Variants in DGKI observed in about 807,000 individuals in gnomAD.
DGKI encodes the protein diacylglycerol kinase iota.
A neutral mutation model predicts 147.5 loss-of-function variants in DGKI; 55 were observed. The ratio of observed to expected loss-of-function variants is 0.37; its 90% confidence interval spans 0.30 to 0.47. The LOEUF (loss-of-function observed/expected upper bound fraction) is 0.47, where lower values mean the gene tolerates loss of function less well. Ranked by LOEUF, DGKI falls within the 20% of genes least tolerant of loss-of-function variation. DGKI has a pLI of 1.00. For missense variants in DGKI, 1,007 were observed against 1,323.8 expected (o/e 0.76, Z 3.71); for synonymous variants, 469 against 477.1 (o/e 0.98, Z 0.22).
chr7:137,431,725 T>C (rs1813078006), intron 28 of DGKI, among the ~76,000 whole-genome samples: 1 of 152,190 alleles, frequency 6.6e-6, no homozygotes, highest in African/African-American at 2.4e-5. Flanking sequence ...CTCAGAAGCC[T>C]GTAAATGTCC....
At chr7:137,654,318 C>A (rs1050158418) in intron 5 of DGKI, among the ~76,000 whole-genome samples, 2 of 152,186 alleles carry the variant, frequency 1.3e-5, no homozygotes, top group African/African-American at 4.8e-5. Context: ...TAGGAATAAC[C>A]AGTTACTGTG....
chr7:137,411,394 A>G (rs1348874219), intron 29 of DGKI, among the ~76,000 whole-genome samples: 8 of 152,250 alleles, frequency 5.3e-5, no homozygotes, highest in Admixed American at 5.2e-4. Context: ...CTATCAGAAT[A>G]TTAATAAAAT....
intron 1 of DGKI, among the ~76,000 whole-genome samples, chr7:137,762,165 C>T (rs1466518086): frequency 6.6e-6 from 1 of 152,204 alleles, no homozygotes; most frequent in Non-Finnish European, 1.5e-5. Context: ...GTGACCAGTT[C>T]ATTCCCGATA....
intron 19 of DGKI, 150 bp downstream of exon 19, chr7:137,571,024 AT>A (rs1209754036): frequency 4.7e-5 from 27 of 577,780 alleles, no homozygotes; most frequent in East Asian, 3.2e-5. Flanking sequence ...ATAAATGATG[AT>A]TTTTTTTCTT....
intron 19 of DGKI, among the ~76,000 whole-genome samples, chr7:137,555,406 G>A (rs1473435679): frequency 6.6e-6 from 1 of 151,948 alleles, no homozygotes; most frequent in Non-Finnish European, 1.5e-5. Context: ...CATGCCTGTA[G>A]TCCCAGCTAG....
chr7:137,572,157 T>C (rs1207894862), intron 18 of DGKI, among the ~76,000 whole-genome samples: 1 of 152,236 alleles, frequency 6.6e-6, no homozygotes, highest in African/African-American at 2.4e-5. Flanking sequence ...TAAATGGTTA[T>C]AGATCCATCC....
chr7:137,660,754 G>A (rs988183657), intron 3 of DGKI, among the ~76,000 whole-genome samples: 6 of 152,036 alleles, frequency 3.9e-5, no homozygotes, highest in African/African-American at 9.7e-5. Context: ...AATATCTGGT[G>A]GGAGTTGAGA....
At position 137,846,595 on chromosome 7, in the gene DGKI, G is replaced by A. The variant is rs765145195; in HGVS notation, c.268C>T (p.Arg90Trp). 65 of 1,135,344 alleles carry A rather than the reference G, an allele frequency of 5.7e-5. No homozygotes were observed. The African/African-American group carries it at 9.3e-4, about 16-fold the overall frequency. 70.3% of individuals were successfully genotyped at this position (1,135,344 alleles called of 1,614,324 possible). A position where few individuals can be genotyped will look rare whatever the true frequency, so the allele number is the denominator to read the frequency against. ...CLGAEGGADP[R>W]GAGSAAAAGA... ...GCCGCCGCGGCTGACCCTGCGCCCCGCGGGTCCGCGCCGCCCTCGGCGCCC... is the reference window on the plus strand; with the variant it reads ...GCCGCCGCGGCTGACCCTGCGCCCCACGGGTCCGCGCCGCCCTCGGCGCCC... The change falls in exon 1 of 33, where the codon CGG (arginine) becomes TGG (tryptophan). Residue 90 changes from arginine (R) to tryptophan (W), a missense_variant. Arg to Trp is a moderately radical substitution (Grantham distance 101, BLOSUM62 -3). Coordinates refer to ENST00000614521, the MANE Select transcript of DGKI (RefSeq NM_001321708.2). This position sits in a 1 kb window ranked among gnomAD's most constrained non-coding sequence, Gnocchi z 4.0.
intron 20 of DGKI, among the ~76,000 whole-genome samples, chr7:137,543,576 G>A (rs1019298421): frequency 1.3e-5 from 2 of 152,084 alleles, no homozygotes; most frequent in Non-Finnish European, 2.9e-5. Flanking sequence ...GCTTCTTGAA[G>A]GAAGCAACAA....
chr7:137,656,347 C>T (rs1822220071), intron 4 of DGKI, 119 bp downstream of exon 4: 1 of 1,033,744 alleles, frequency 9.7e-7, no homozygotes. Context: ...TAATGTTGGA[C>T]TTCCAGCTTT....
chr7:137,819,966 G>A (rs936323464), intron 1 of DGKI, among the ~76,000 whole-genome samples: 5 of 152,296 alleles, frequency 3.3e-5, no homozygotes, highest in African/African-American at 1.2e-4. Flanking sequence ...AGAGAGCATC[G>A]TTGCCCCTTC....
intron 30 of DGKI, among the ~76,000 whole-genome samples, chr7:137,405,223 T>C (rs144249718): frequency 4.7e-5 from 7 of 148,834 alleles, no homozygotes; most frequent in East Asian, 2.0e-4. Flanking sequence ...GCTATACTTA[T>C]GTTAAAACCT....
chr7:137,557,086 C>G (rs117406264), intron 19 of DGKI, among the ~76,000 whole-genome samples: 1,629 of 152,228 alleles, frequency 0.011, 19 homozygotes, highest in Non-Finnish European at 0.017. Flanking sequence ...AGCCTGTCAG[C>G]CTACCCTGCA....
At chr7:137,835,973 A>C (rs1304281533) in intron 1 of DGKI, among the ~76,000 whole-genome samples, 1 of 152,326 alleles carries the variant, frequency 6.6e-6, no homozygotes, top group Middle Eastern at 3.4e-3. Flanking sequence ...TGGCTATGAA[A>C]ACAATACGGG....
At chr7:137,605,289 C>T (rs921838797) in intron 10 of DGKI, among the ~76,000 whole-genome samples, 7 of 146,850 alleles carry the variant, frequency 4.8e-5, no homozygotes, top group African/African-American at 1.8e-4. Context: ...GCCTGGGTGA[C>T]AGAGCAAGAC....
chr7:137,517,279 AAAAGAAAG>A (rs3051933), intron 21 of DGKI, among the ~76,000 whole-genome samples: 5,592 of 79,568 alleles, frequency 0.07, 239 homozygotes, highest in Middle Eastern at 0.085. Context: ...AAAGAAAAGA[AAAAGAAAG>A]AAAGAAAGAA....
chr7:137,603,864 G>A (rs1457266476), intron 10 of DGKI, among the ~76,000 whole-genome samples: 1 of 152,202 alleles, frequency 6.6e-6, no homozygotes, highest in East Asian at 1.9e-4. Flanking sequence ...GGAGTTGCGA[G>A]AGAGGAGACA....
intron 1 of DGKI, among the ~76,000 whole-genome samples, chr7:137,759,964 C>T (rs865920917): frequency 6.6e-6 from 1 of 152,140 alleles, no homozygotes; most frequent in African/African-American, 2.4e-5. Flanking sequence ...GGCGCCTTTG[C>T]TACCATAGCG....
At chr7:137,532,521 A>G (rs1274347587) in intron 20 of DGKI, among the ~76,000 whole-genome samples, 1 of 152,164 alleles carries the variant, frequency 6.6e-6, no homozygotes, top group African/African-American at 2.4e-5. Context: ...ATTGCTTGCC[A>G]AGGTCCTCAA....
Sources: allele counts gnomAD v4.1 joint callset (sites outside exome capture counted in the v4.1 genomes callset), GRCh38; gene constraint gnomAD v4.1.1; non-coding constraint Gnocchi (gnomAD v3.1); transcripts MANE v1.5; gene names NCBI Gene and HGNC (gene_info 2026-07-23, HGNC 2026-07-21).